UGGT2: variants seen among roughly 807,000 people sequenced by gnomAD.
UGGT2 encodes the protein UDP-glucose glycoprotein glucosyltransferase 2, also known as UDP-glucose:glycoprotein glucosyltransferase 2.
A neutral mutation model predicts 192.1 loss-of-function variants in UGGT2; 180 were observed. That is an observed-to-expected ratio of 0.94 (90% CI 0.83 to 1.06). UGGT2 has a LOEUF of 1.06. Among genes scored for constraint, UGGT2 ranks in the 50% least tolerant of loss-of-function variants. The pLI, the probability that UGGT2 is intolerant of heterozygous loss-of-function variation, is 0.00. For synonymous variants in UGGT2, 580 were observed against 591.0 expected (o/e 0.98, Z 0.27); for missense variants, 1,849 against 1,795.7 (o/e 1.03, Z -0.54).
intron 14 of UGGT2, among the ~76,000 whole-genome samples, chr13:95,947,412 G>A (rs79393206): frequency 0.017 from 2,556 of 151,734 alleles, 71 homozygotes; most frequent in African/African-American, 0.059. Flanking sequence ...ATTATCAAAT[G>A]GCCATGTTCT....
chr13:95,830,161 T>G (rs1311163989), intron 38 of UGGT2, among the ~76,000 whole-genome samples: 1 of 152,140 alleles, frequency 6.6e-6, no homozygotes, highest in South Asian at 2.1e-4. Flanking sequence ...ATGTTAGACC[T>G]AAAACCATAA....
chr13:95,990,095 T>C (rs775424752), intron 7 of UGGT2, 22 bp from the exon 8 acceptor site: 1 of 1,526,730 alleles, frequency 6.5e-7, no homozygotes. Flanking sequence ...TATTAAGTGA[T>C]GTTAAGTAGC....
intron 38 of UGGT2, among the ~76,000 whole-genome samples, chr13:95,825,462 T>G (rs901244627): frequency 6.6e-6 from 1 of 152,150 alleles, no homozygotes; most frequent in Non-Finnish European, 1.5e-5. Flanking sequence ...CTCACTCTTA[T>G]CCCAGTGGTC....
chr13:95,860,718 T>C, intron 32 of UGGT2, 70 bp downstream of exon 32: 4 of 1,050,644 alleles, frequency 3.8e-6, no homozygotes, highest in Non-Finnish European at 5.3e-6. Flanking sequence ...TATATTCCTT[T>C]ATTTTTTTTT....
intron 1 of UGGT2, among the ~76,000 whole-genome samples, chr13:96,035,571 TTAAAC>T (rs1329939429): frequency 1.3e-5 from 2 of 152,188 alleles, no homozygotes; most frequent in African/African-American, 4.8e-5. Context: ...TGAGATCTAT[TTAAAC>T]TAAAGAGTTT....
At chr13:95,812,390 T>C (rs952567201) in intron 38 of UGGT2, among the ~76,000 whole-genome samples, 2 of 152,146 alleles carry the variant, frequency 1.3e-5, no homozygotes, top group East Asian at 1.9e-4. Flanking sequence ...GTCTTTAAGA[T>C]TGGATAAAAA....
At chr13:95,882,224 T>C (rs1204703237) in intron 27 of UGGT2, among the ~76,000 whole-genome samples, 1 of 152,170 alleles carries the variant, frequency 6.6e-6, no homozygotes. Context: ...TCTTAATCAT[T>C]TTTGTCACCT....
At chr13:95,905,109 T>C (rs968351291) in intron 20 of UGGT2, among the ~76,000 whole-genome samples, 2 of 152,220 alleles carry the variant, frequency 1.3e-5, no homozygotes, top group African/African-American at 4.8e-5. Context: ...GAGAAGTGTC[T>C]GTTCATGTCC....
At position 95,972,540 on chromosome 13, in the gene UGGT2, A is replaced by G. The variant is rs1016377727; in HGVS notation, c.1184+40T>C. On this transcript the variant is annotated intron_variant, in intron 11 of 38. Transcript: ENST00000376747. ...AATTCAAGACAATGTTTATTTTTAT[A>G]TAAACCATAGTTCATTTACAGCAAT... 7 of 1,462,098 alleles carry G rather than the reference A, an allele frequency of 4.8e-6. No homozygotes were observed. The East Asian group carries it at 1.4e-4, about 29-fold the overall frequency. 90.6% of individuals were successfully genotyped at this position (1,462,098 alleles called of 1,614,324 possible).
intron 1 of UGGT2, among the ~76,000 whole-genome samples, chr13:96,050,977 A>T (rs1485794114): frequency 1.3e-5 from 2 of 152,214 alleles, no homozygotes; most frequent in Non-Finnish European, 2.9e-5. Flanking sequence ...CCATCCCATT[A>T]CTGGGTATAT....
intron 12 of UGGT2, among the ~76,000 whole-genome samples, chr13:95,957,563 T>A (rs2050248426): frequency 6.6e-6 from 1 of 152,176 alleles, no homozygotes; most frequent in Non-Finnish European, 1.5e-5. Flanking sequence ...CTTGCCAGAA[T>A]CTGAGAGACA....
intron 26 of UGGT2, among the ~76,000 whole-genome samples, chr13:95,886,183 A>C (rs1430198785): frequency 6.6e-6 from 1 of 152,184 alleles, no homozygotes; most frequent in African/African-American, 2.4e-5. Context: ...AGGAAGGCTG[A>C]GGAAGTATAG....
In UGGT2 at chr13:95,894,636, T is replaced by C. The variant is rs761548702; in HGVS notation, c.2781A>G (p.Lys927=). The part of the protein sequence containing the change: ...NANNMSDFIM[K]VDALMSSVPK... ...GCACAGAGGACATAAGGGCATCAAC[T>C]TTCATAATAAAGTCACTCATGCTAG... Residue 927 remains lysine (K), a synonymous_variant, in exon 24 of 39, where the codon AAA becomes AAG. Coordinates refer to ENST00000376747, the MANE Select transcript of UGGT2 (RefSeq NM_020121.4). The C allele has an allele frequency of 1.9e-6, 3 of 1,611,760 alleles. No individual in the cohort carries two copies. The highest frequency in any genetic ancestry group is 4.5e-5 in the East Asian group (2 of 44,788).
chr13:95,958,511 C>A (rs1156725155), intron 12 of UGGT2, among the ~76,000 whole-genome samples: 2 of 151,848 alleles, frequency 1.3e-5, no homozygotes, highest in African/African-American at 4.8e-5. Flanking sequence ...ACTATAATAA[C>A]TGAGATGCTT....
chr13:95,963,383 A>G (rs965094809), intron 12 of UGGT2, among the ~76,000 whole-genome samples: 2 of 152,158 alleles, frequency 1.3e-5, no homozygotes, highest in African/African-American at 4.8e-5. Context: ...CAAACTAGAC[A>G]CCAAAGGAAT....
intron 1 of UGGT2, among the ~76,000 whole-genome samples, chr13:96,035,370 T>G (rs962422614): frequency 2.0e-5 from 3 of 152,178 alleles, no homozygotes; most frequent in Non-Finnish European, 4.4e-5. Flanking sequence ...TGCAGAAAAC[T>G]GAAACTGGAC....
chr13:95,852,385 G>A (rs971324070), intron 36 of UGGT2, among the ~76,000 whole-genome samples: 7 of 152,104 alleles, frequency 4.6e-5, no homozygotes, highest in African/African-American at 1.7e-4. Flanking sequence ...TTACTCAAAA[G>A]TCATCTTCAT....
chr13:95,825,983 T>C (rs896329532), intron 38 of UGGT2, among the ~76,000 whole-genome samples: 3 of 152,086 alleles, frequency 2.0e-5, no homozygotes, highest in African/African-American at 4.8e-5. Context: ...GTGGAGTTTA[T>C]TCTAGGAATA....
intron 12 of UGGT2, among the ~76,000 whole-genome samples, chr13:95,950,595 G>GA (rs11452928): frequency 0.94 from 123,338 of 130,898 alleles, 58,294 homozygotes; most frequent in East Asian, 1. Context: ...AATGAAACAG[G>GA]AAAAAAAAAA....
Sources: gnomAD v4.1 joint callset for allele counts (sites outside exome capture counted in the v4.1 genomes callset) on GRCh38, gnomAD v4.1.1 for gene constraint, MANE v1.5 for transcripts, NCBI Gene and HGNC (gene_info 2026-07-23, HGNC 2026-07-21) for gene names.